The following CLUL1 variants were observed in gnomAD, a reference collection of about 807,000 sequenced individuals.
CLUL1 encodes the protein clusterin-like protein 1.
CLUL1 carries 43 observed loss-of-function variants against 49.4 expected under a neutral mutation model. The observed-to-expected ratio is 0.87, with a 90% CI of 0.68 to 1.12. The LOEUF is 1.12. Ranked by LOEUF, CLUL1 falls within the 50% of genes most tolerant of loss-of-function variation. The pLI is 0.00. For synonymous variants in CLUL1, 192 were observed against 184.9 expected (o/e 1.04, Z -0.31); for missense variants, 486 against 544.4 (o/e 0.89, Z 1.07).
In CLUL1 at chr18:616,712, G is replaced by A. The variant is rs1313355844; in HGVS notation, c.-13-1276G>A. The A allele has an allele frequency of 1.0e-5, 10 of 984,076 alleles. No homozygotes were observed. The South Asian group carries it at 2.8e-4, about 28-fold the overall frequency. 61.0% of individuals were successfully genotyped at this position (984,076 alleles called of 1,614,324 possible). Reference sequence around the variant, plus strand: ...AAAATTAAAGCAGAGAAAAACGAAGGTCCTTCCAGAAGCTGGTGGCAACTT... The same window carrying A: ...AAAATTAAAGCAGAGAAAAACGAAGATCCTTCCAGAAGCTGGTGGCAACTT... On this transcript the variant is annotated intron_variant, in intron 2 of 9. Coordinates refer to ENST00000692774, the MANE Select transcript of CLUL1 (RefSeq NM_001393344.1).
rs1408759185 is a variant in CLUL1 at position 626,937 on chromosome 18, A to G, written c.424-160A>G. ...AAAGAAAGAAAGAAAGAAGGAAAGA[A>G]GGAAAGAAGGAAGGAAGGAAGGAAG... On this transcript the variant is annotated intron_variant, in intron 5 of 9. Transcript: ENST00000692774. Among the ~76,000 whole-genome samples, 6 of 1,576 alleles carry G rather than the reference A, an allele frequency of 3.8e-3. 1 individual carries two copies. The highest frequency in any genetic ancestry group is 0.017 in the Non-Finnish European group (4 of 240). The allele number at this position is 1,576 out of a possible 152,430, so 1.0% of individuals were successfully genotyped here. A position where few individuals can be genotyped will look rare whatever the true frequency, so the allele number is the denominator to read the frequency against.
intron 6 of CLUL1, among the ~76,000 whole-genome samples, chr18:632,086 G>A (rs959816364): frequency 6.6e-6 from 1 of 152,198 alleles, no homozygotes; most frequent in Non-Finnish European, 1.5e-5. Context: ...TAATATGACA[G>A]AAAATCATCA....
chr18:611,692 A>G (rs541379614), intron 2 of CLUL1, among the ~76,000 whole-genome samples: 1 of 152,366 alleles, frequency 6.6e-6, no homozygotes, highest in East Asian at 1.9e-4. Context: ...GGCATCATTT[A>G]CACAAAAAGA....
At chr18:624,027 C>T (rs991681687) in intron 4 of CLUL1, among the ~76,000 whole-genome samples, 1 of 152,148 alleles carries the variant, frequency 6.6e-6, no homozygotes, top group Non-Finnish European at 1.5e-5. Context: ...TCCACACTTG[C>T]AGGGAAGCCA....
chr18:621,547 C>G (rs1459966750), intron 4 of CLUL1, among the ~76,000 whole-genome samples: 1 of 152,182 alleles, frequency 6.6e-6, no homozygotes, highest in Admixed American at 6.5e-5. Context: ...AATGTGGAAG[C>G]CCCTCCAGCT....
In CLUL1 at chr18:627,202, T is replaced by C. The variant is rs964994941; in HGVS notation, c.529T>C (p.Leu177=). 11 of 1,613,880 alleles carry C rather than the reference T, an allele frequency of 6.8e-6. No individual in the cohort carries two copies. Among genetic ancestry groups the C allele is most frequent in the African/African-American group, 4.0e-5 (3 of 74,992 alleles). ...SEKLIEEDAQ[L]TQMEDVFSQL... ...AAAGCTCATTGAGGAAGATGCACAA[T>C]TGACCCAAATGGAGGATGTGTTCAG... Residue 177 remains leucine (L), a synonymous_variant, in exon 6 of 10, where the codon TTG becomes CTG. Coordinates refer to ENST00000692774, the MANE Select transcript of CLUL1 (RefSeq NM_001393344.1).
chr18:627,862 C>T (rs1417077440), intron 6 of CLUL1, among the ~76,000 whole-genome samples: 2 of 152,044 alleles, frequency 1.3e-5, no homozygotes. Context: ...CTCACTCTGC[C>T]ACCCAGCCTG....
intron 4 of CLUL1, among the ~76,000 whole-genome samples, chr18:623,181 C>T (rs1407211893): frequency 6.6e-6 from 1 of 152,040 alleles, no homozygotes; most frequent in Non-Finnish European, 1.5e-5. Flanking sequence ...TACAGGCACC[C>T]ACCATCATGA....
intron 6 of CLUL1, 32 bp downstream of exon 6, chr18:627,561 G>T (rs755964042): frequency 6.7e-7 from 1 of 1,484,828 alleles, no homozygotes; most frequent in Admixed American, 2.0e-5. Flanking sequence ...TTACTTAGAG[G>T]TTTACACTAA....
At chr18:612,429 C>G (rs2073161856) in intron 2 of CLUL1, among the ~76,000 whole-genome samples, 1 of 152,184 alleles carries the variant, frequency 6.6e-6, no homozygotes, top group South Asian at 2.1e-4. Context: ...TTCAGGCCAG[C>G]CGGCTTCACA....
intron 2 of CLUL1, among the ~76,000 whole-genome samples, chr18:611,033 CT>C (rs1169122062): frequency 6.6e-6 from 1 of 152,144 alleles, no homozygotes. Flanking sequence ...CCCAGATCAC[CT>C]TCTGGCCGGT....
chr18:636,147 G>C (rs948457100), intron 7 of CLUL1, among the ~76,000 whole-genome samples: 11 of 152,148 alleles, frequency 7.2e-5, no homozygotes, highest in Non-Finnish European at 1.2e-4. Flanking sequence ...TAAGATTAAA[G>C]ATGATTTTTA....
intron 2 of CLUL1, among the ~76,000 whole-genome samples, chr18:612,343 T>C (rs1213674099): frequency 6.6e-6 from 1 of 152,164 alleles, no homozygotes; most frequent in Non-Finnish European, 1.5e-5. Context: ...CACTGCACTC[T>C]GCCACACTTG....
chr18:617,626 G>GGGAAAAA (rs1381226823), intron 2 of CLUL1, among the ~76,000 whole-genome samples: 2 of 150,800 alleles, frequency 1.3e-5, no homozygotes, highest in Non-Finnish European at 3.0e-5. Flanking sequence ...GAATTTTGGA[G>GGGAAAAA]GGAAAAAAAT....
intron 7 of CLUL1, among the ~76,000 whole-genome samples, chr18:636,440 G>A (rs530760366): frequency 6.6e-6 from 1 of 152,106 alleles, no homozygotes; most frequent in Admixed American, 6.5e-5. Flanking sequence ...TTTCCATTGT[G>A]CAAATTAATG....
Position 617,973 on chromosome 18 carries a change from AT to A in CLUL1, c.-13-10del. 6.2e-7 allele frequency: 1 copy of A among 1,607,604 alleles called. No individual in the cohort carries two copies. Among genetic ancestry groups the A allele is most frequent in the South Asian group, 1.1e-5 (1 of 90,460 alleles). ...AATGGAAGACATTTGATGCGGGTTT[AT>A]TTTTCCTTTGCAGTAACAGCGGGAA... On this transcript the variant is annotated splice_polypyrimidine_tract_variant and intron_variant, in intron 2 of 9. Coordinates refer to ENST00000692774, the MANE Select transcript of CLUL1 (RefSeq NM_001393344.1).
At chr18:614,129 A>G (rs1299269720) in intron 2 of CLUL1, among the ~76,000 whole-genome samples, 2 of 152,222 alleles carry the variant, frequency 1.3e-5, no homozygotes, top group Non-Finnish European at 2.9e-5. Flanking sequence ...AGTGATCTTT[A>G]TGTCCATCGG....
intron 1 of CLUL1, chr18:598,624 C>CA (rs1328872114): frequency 2.5e-6 from 1 of 398,390 alleles, no homozygotes; most frequent in Non-Finnish European, 4.4e-6. Context: ...GTGTCACAAC[C>CA]AAAAAAGTGG....
rs1452046992 is a variant in CLUL1 at position 627,515 on chromosome 18, C to T, written c.842C>T (p.Pro281Leu). 6.2e-7 allele frequency: 1 copy of T among 1,603,660 alleles called. No homozygotes were observed. The highest frequency in any genetic ancestry group is 2.2e-5 in the East Asian group (1 of 44,732). ...TKMLKAIEDL[P>L]KQDKAPDHGG... Reference sequence around the variant, plus strand: ...ATGCTGAAGGCAATAGAAGATTTACCAAAACAAGACAAAGGCAAGTATTAA... The same window carrying T: ...ATGCTGAAGGCAATAGAAGATTTACTAAAACAAGACAAAGGCAAGTATTAA... Residue 281 changes from proline to leucine, a missense_variant, in exon 6 of 10, where the codon CCA (proline) becomes CTA (leucine). Pro to Leu is a moderately conservative substitution (Grantham distance 98). Coordinates refer to ENST00000692774, the MANE Select transcript of CLUL1 (RefSeq NM_001393344.1).
Sources: gnomAD v4.1 joint callset for allele counts (sites outside exome capture counted in the v4.1 genomes callset) on GRCh38, gnomAD v4.1.1 for gene constraint, MANE v1.5 for transcripts, NCBI Gene and HGNC (gene_info 2026-07-23, HGNC 2026-07-21) for gene names.